Variants in TMEM38B observed in about 807,000 individuals in gnomAD.
TMEM38B encodes the protein transmembrane protein 38B.
In TMEM38B, 24 loss-of-function variants were observed where a neutral mutation model predicts 28.7. That is an observed-to-expected ratio of 0.84 (90% confidence interval 0.61 to 1.18). The LOEUF (loss-of-function observed/expected upper bound fraction) is 1.18. Ranked by LOEUF, TMEM38B falls within the 50% of genes most tolerant of loss-of-function variation. The pLI is 0.00. For missense variants in TMEM38B, 380 were observed against 350.9 expected (o/e 1.08, Z -0.66); for synonymous variants, 131 against 127.7 (o/e 1.03, Z -0.17).
intron 4 of TMEM38B, among the ~76,000 whole-genome samples, chr9:105,747,492 G>A (rs977256510): frequency 3.3e-5 from 5 of 151,800 alleles, no homozygotes; most frequent in Non-Finnish European, 5.9e-5. Context: ...TCTTGCTAGC[G>A]GTCTATCAAT....
At chr9:105,709,634 T>C (rs187535822) in intron 2 of TMEM38B, among the ~76,000 whole-genome samples, 1 of 152,310 alleles carries the variant, frequency 6.6e-6, no homozygotes. Flanking sequence ...ACATACTGAC[T>C]AGGATAGAGG....
At chr9:105,738,673 A>G (rs993246422) in intron 4 of TMEM38B, among the ~76,000 whole-genome samples, 1 of 150,634 alleles carries the variant, frequency 6.6e-6, no homozygotes, top group African/African-American at 2.4e-5. Flanking sequence ...TTTAAGAGTT[A>G]ACTTAAAAGA....
intron 2 of TMEM38B, chr9:105,710,608 T>G (rs927834470): frequency 7.7e-6 from 6 of 783,154 alleles, no homozygotes; most frequent in African/African-American, 1.7e-5. Context: ...CACCCTCAAA[T>G]TGAACAGAAG....
rs1418582605 is a variant in TMEM38B, at chr9:105,775,747, G to T, written c.*1667G>T. On this transcript the variant is annotated 3_prime_UTR_variant, in exon 6 of 6. Coordinates refer to ENST00000374692, the MANE Select transcript of TMEM38B (RefSeq NM_018112.3). ...TTGAAGTTTGGGTTTAACTGTAGTT[G>T]AAATGGAAGGACTCTTGTTTTACAC... 1 of 152,076 alleles carries T rather than the reference G, an allele frequency of 6.6e-6. No homozygotes were observed. The highest frequency in any genetic ancestry group is 1.5e-5 in the Non-Finnish European group (1 of 68,004). The allele number at this position is 152,076 out of a possible 1,614,324, so 9.4% of individuals were successfully genotyped here.
rs892930716 is a variant in TMEM38B, at chr9:105,744,553, A to C, written c.543-3520A>C. ...AAGATATTTATTGACTGTTTTAGCA[A>C]TGTAATTTCTTTTTTTTATTTTTTT... is the stretch of plus-strand genomic sequence containing the variant. On this transcript the variant is annotated intron_variant, in intron 4 of 5. Coordinates refer to ENST00000374692, the MANE Select transcript of TMEM38B (RefSeq NM_018112.3). 5.3e-5 allele frequency among the ~76,000 whole-genome samples: 8 copies of C among 151,684 alleles called. No individual in the cohort carries two copies. The East Asian group carries it at 1.6e-3, about 29-fold the overall frequency.
chr9:105,734,415 C>T (rs1232686965), intron 4 of TMEM38B, among the ~76,000 whole-genome samples: 2 of 151,998 alleles, frequency 1.3e-5, no homozygotes, highest in African/African-American at 4.8e-5. Flanking sequence ...GTGTATTTTG[C>T]TGTTGTTGGA....
At chr9:105,740,129 C>T (rs529011326) in intron 4 of TMEM38B, among the ~76,000 whole-genome samples, 15 of 152,202 alleles carry the variant, frequency 9.9e-5, no homozygotes, top group South Asian at 2.1e-4. Flanking sequence ...GTAATCCACC[C>T]GCCTTGGCCT....
chr9:105,733,452 G>C (rs545086815), intron 4 of TMEM38B, among the ~76,000 whole-genome samples: 1 of 134,712 alleles, frequency 7.4e-6, no homozygotes, highest in East Asian at 2.4e-4. Context: ...GTCTTTGTCT[G>C]TATTAGGCAT....
chr9:105,760,403 A>G (rs1837996951), intron 5 of TMEM38B: 1 of 743,520 alleles, frequency 1.3e-6, no homozygotes, highest in South Asian at 1.5e-5. Flanking sequence ...GTGGAAAAAC[A>G]TCTTGAATAC....
intron 1 of TMEM38B, among the ~76,000 whole-genome samples, chr9:105,699,727 A>AG: frequency 8.4e-6 from 1 of 118,698 alleles, no homozygotes; most frequent in East Asian, 3.1e-4. Context: ...AAGTGGGATT[A>AG]ATTTTTTCTT....
chr9:105,745,526 A>G (rs1039082952), intron 4 of TMEM38B, among the ~76,000 whole-genome samples: 15 of 152,074 alleles, frequency 9.9e-5, no homozygotes, highest in Admixed American at 2.6e-4. Flanking sequence ...ATTTTCTCCC[A>G]TTCTGTAGGT....
intron 2 of TMEM38B, among the ~76,000 whole-genome samples, chr9:105,713,790 A>G (rs1013916515): frequency 1.3e-5 from 2 of 152,152 alleles, no homozygotes; most frequent in African/African-American, 4.8e-5. Context: ...ATGGCTTCCC[A>G]TGGCTGCTCA....
chr9:105,717,707 CTGTT>C (rs1175186509), intron 2 of TMEM38B, among the ~76,000 whole-genome samples: 8 of 152,238 alleles, frequency 5.3e-5, no homozygotes, highest in Middle Eastern at 3.4e-3. Context: ...TAAGATTCAT[CTGTT>C]TGTTTGTATG....
chr9:105,738,606 A>G (rs933304045), intron 4 of TMEM38B, among the ~76,000 whole-genome samples: 1 of 151,046 alleles, frequency 6.6e-6, no homozygotes, highest in Non-Finnish European at 1.5e-5. Context: ...TCAATTTTTG[A>G]TGTCAAGAAG....
intron 2 of TMEM38B, among the ~76,000 whole-genome samples, chr9:105,720,278 A>T (rs992799822): frequency 4.6e-5 from 7 of 152,214 alleles, no homozygotes; most frequent in Admixed American, 2.6e-4. Flanking sequence ...GTTAGAGGGT[A>T]ACAAGATGAA....
At chr9:105,715,594 C>A (rs535019129) in intron 2 of TMEM38B, among the ~76,000 whole-genome samples, 29 of 152,010 alleles carry the variant, frequency 1.9e-4, no homozygotes, top group Non-Finnish European at 3.7e-4. Flanking sequence ...AATTAACCTG[C>A]TTTTCACTTG....
intron 5 of TMEM38B, among the ~76,000 whole-genome samples, chr9:105,769,465 G>A (rs1826475603): frequency 6.6e-6 from 1 of 152,080 alleles, no homozygotes; most frequent in African/African-American, 2.4e-5. Flanking sequence ...ACAGGTGTGT[G>A]CCACCATGCC....
At chr9:105,721,123 A>G (rs1192464344) in intron 2 of TMEM38B, among the ~76,000 whole-genome samples, 2 of 152,032 alleles carry the variant, frequency 1.3e-5, no homozygotes, top group Admixed American at 6.5e-5. Context: ...TGCTTTTACC[A>G]AAGGACCCTT....
At chr9:105,759,005 T>C in intron 5 of TMEM38B, 5 of 980,336 alleles carry the variant, frequency 5.1e-6, no homozygotes, top group Non-Finnish European at 6.6e-6. Flanking sequence ...ACATGGCCAA[T>C]ACAAGTAAAC....
Sources: allele counts gnomAD v4.1 joint callset (sites outside exome capture counted in the v4.1 genomes callset), GRCh38; gene constraint gnomAD v4.1.1; transcripts MANE v1.5; gene names NCBI Gene and HGNC (gene_info 2026-07-23, HGNC 2026-07-21).